The following DIP2C variants were observed in gnomAD, a reference collection of about 807,000 sequenced individuals.
The protein encoded by DIP2C is DIP2 acetate--CoA ligase C (putative).
Under a neutral mutation model 192.4 loss-of-function variants are expected in DIP2C, and 33 were observed. The ratio of observed to expected loss-of-function variants is 0.17; its 90% CI spans 0.13 to 0.23. DIP2C has a LOEUF of 0.23. Ranked by LOEUF, DIP2C falls within the 10% of genes least tolerant of loss-of-function variation. The pLI is 1.00. For missense variants in DIP2C, 1,537 were observed against 2,110.1 expected, an observed-to-expected ratio of 0.73 and a Z score of 5.32; for synonymous variants, 979 against 864.1, an observed-to-expected ratio of 1.13 and a Z score of -2.33.
chr10:274,435 G>A lies in DIP2C; in HGVS notation c.*2890C>T, dbSNP rs1311300404. ...TAAAGCTGTCCCAGACATCTTTCCA[G>A]GGGACCAATTAAGAAACTGCTATTT... is the stretch of plus-strand genomic sequence containing the variant. On this transcript the variant is annotated 3_prime_UTR_variant, in exon 37 of 37. Coordinates refer to ENST00000280886, the MANE Select transcript of DIP2C (RefSeq NM_014974.3). 6.6e-6 allele frequency: 1 copy of A among 152,158 alleles called. No individual in the cohort carries two copies. Among genetic ancestry groups the A allele is most frequent in the Admixed American group, 6.5e-5 (1 of 15,282 alleles). 9.4% of individuals were successfully genotyped at this position (152,158 alleles called of 1,614,324 possible). A position where few individuals can be genotyped will look rare whatever the true frequency, so the allele number is the denominator to read the frequency against.
intron 32 of DIP2C, among the ~76,000 whole-genome samples, chr10:308,834 C>T (rs750240291): frequency 6.6e-6 from 1 of 152,324 alleles, no homozygotes; most frequent in Admixed American, 6.5e-5. Flanking sequence ...GAGTGTGAAC[C>T]GTCAGGGCGG....
chr10:381,643 G>T (rs547287643), intron 17 of DIP2C, among the ~76,000 whole-genome samples: 1 of 152,206 alleles, frequency 6.6e-6, no homozygotes, highest in Non-Finnish European at 1.5e-5. Flanking sequence ...AGGGAGACAC[G>T]TCCTGCTCTT....
At chr10:511,042 T>A (rs1229583390) in intron 1 of DIP2C, among the ~76,000 whole-genome samples, 1 of 152,240 alleles carries the variant, frequency 6.6e-6, no homozygotes, top group East Asian at 1.9e-4. Context: ...CGTGCTTTGT[T>A]CAAGAGGTTT....
chr10:561,759 CAG>C (rs1343163359), intron 1 of DIP2C, among the ~76,000 whole-genome samples: 5 of 148,740 alleles, frequency 3.4e-5, no homozygotes, highest in African/African-American at 1.0e-4. Flanking sequence ...CTCCTCATTC[CAG>C]AGAGAGCAGG....
intron 4 of DIP2C, among the ~76,000 whole-genome samples, chr10:438,953 C>T (rs1967494382): frequency 6.9e-6 from 1 of 145,854 alleles, no homozygotes; most frequent in African/African-American, 2.4e-5. Flanking sequence ...TCCCAAGTAG[C>T]TGGGACTACA....
intron 7 of DIP2C, among the ~76,000 whole-genome samples, chr10:414,777 GTA>G (rs745908211): frequency 5.8e-5 from 7 of 120,370 alleles, no homozygotes; most frequent in African/African-American, 1.8e-4. Flanking sequence ...TATATAATGT[GTA>G]TATATATATA....
intron 17 of DIP2C, among the ~76,000 whole-genome samples, chr10:379,919 A>G (rs988904005): frequency 4.6e-5 from 7 of 151,924 alleles, no homozygotes; most frequent in African/African-American, 1.7e-4. Flanking sequence ...ATGATGGTTA[A>G]CAGGCAGAAA....
rs369451727 is a variant in DIP2C, at chr10:383,990, C to A, written c.1876+37G>T. 258 of 1,467,492 alleles carry A rather than the reference C, an allele frequency of 1.8e-4. 1 individual carries two copies. In the African/African-American group the frequency reaches 3.5e-3, roughly 20 times the overall value. The allele number at this position is 1,467,492 out of a possible 1,614,324, so 90.9% of individuals were successfully genotyped here. A position where few individuals can be genotyped will look rare whatever the true frequency, so the allele number is the denominator to read the frequency against. On this transcript the variant is annotated intron_variant, in intron 16 of 36. Transcript: ENST00000280886. ...AAAAAAAAAAAAAAAGACTCCACAG[C>A]CCGCCTGCCTCACGAGATCACACGC...
intron 17 of DIP2C, 174 bp downstream of exon 17, chr10:382,473 C>G: frequency 1.7e-6 from 1 of 579,144 alleles, no homozygotes; most frequent in Non-Finnish European, 3.1e-6. Flanking sequence ...TGAATCTAGG[C>G]TGTTCAAAAG....
chr10:409,413 C>T (rs928243442), intron 8 of DIP2C, among the ~76,000 whole-genome samples: 5 of 152,140 alleles, frequency 3.3e-5, no homozygotes, highest in African/African-American at 1.2e-4. Context: ...AGAACCTTCT[C>T]CTAGCAGATC....
chr10:406,566 T>C (rs924627551), intron 9 of DIP2C, among the ~76,000 whole-genome samples: 1 of 152,252 alleles, frequency 6.6e-6, no homozygotes, highest in Non-Finnish European at 1.5e-5. Flanking sequence ...AAGCTGTCCC[T>C]TGTTCAATCC....
At chr10:527,818 G>A (rs571264996) in intron 1 of DIP2C, among the ~76,000 whole-genome samples, 8 of 152,336 alleles carry the variant, frequency 5.3e-5, no homozygotes, top group East Asian at 1.9e-4. Context: ...ACCAGGTACC[G>A]CTGAATGGCA....
At chr10:307,619 C>T (rs2132305571) in intron 32 of DIP2C, among the ~76,000 whole-genome samples, 1 of 151,784 alleles carries the variant, frequency 6.6e-6, no homozygotes, top group South Asian at 2.1e-4. Context: ...GGGGCCCAGC[C>T]AGACGGAGGG....
At chr10:324,755 A>AT in intron 31 of DIP2C, 2 of 363,334 alleles carry the variant, frequency 5.5e-6, no homozygotes, top group South Asian at 4.4e-5. Context: ...CACGGCGCAC[A>AT]TTCATTCAAT....
chr10:303,674 C>T (rs1468489867), intron 32 of DIP2C, among the ~76,000 whole-genome samples: 2 of 152,104 alleles, frequency 1.3e-5, no homozygotes, highest in African/African-American at 4.8e-5. Flanking sequence ...CAGGCATGCG[C>T]CACCACGCCC....
chr10:298,787 T>TC (rs2132251425), intron 32 of DIP2C, among the ~76,000 whole-genome samples: 1 of 152,272 alleles, frequency 6.6e-6, no homozygotes, highest in East Asian at 1.9e-4. Flanking sequence ...TTCCAGACCC[T>TC]CCCTGTCACT....
chr10:568,792 A>C (rs1227159902), intron 1 of DIP2C, among the ~76,000 whole-genome samples: 2 of 127,600 alleles, frequency 1.6e-5, no homozygotes, highest in East Asian at 2.0e-4. Context: ...AAAAAAAAAA[A>C]AAAAAACCTT....
intron 1 of DIP2C, among the ~76,000 whole-genome samples, chr10:658,261 C>G (rs1856527281): frequency 6.6e-6 from 1 of 151,182 alleles, no homozygotes; most frequent in Non-Finnish European, 1.5e-5. Context: ...GGACCTGATG[C>G]TGGACCTGCC....
intron 3 of DIP2C, among the ~76,000 whole-genome samples, chr10:455,078 C>T (rs1969177604): frequency 6.6e-6 from 1 of 152,212 alleles, no homozygotes; most frequent in Admixed American, 6.5e-5. Context: ...CATGAGTCAA[C>T]AGAAGAGAAT....
Sources: gnomAD v4.1 joint callset for allele counts (sites outside exome capture counted in the v4.1 genomes callset) on GRCh38, gnomAD v4.1.1 for gene constraint, MANE v1.5 for transcripts, NCBI Gene and HGNC (gene_info 2026-07-23, HGNC 2026-07-21) for gene names.